The following TMC3 variants were observed in gnomAD, a reference collection of about 807,000 sequenced individuals.
The protein encoded by TMC3 is transmembrane channel like 3.
A neutral mutation model predicts 110.6 loss-of-function variants in TMC3; 98 were observed. That is an observed-to-expected ratio of 0.89 (90% CI 0.75 to 1.05). TMC3 has a LOEUF of 1.05. Among genes scored for constraint, TMC3 ranks in the 50% least tolerant of loss-of-function variants. The pLI, the probability that TMC3 is intolerant of heterozygous loss-of-function variation, is 0.00. For synonymous variants in TMC3, 489 were observed against 513.1 expected, an observed-to-expected ratio of 0.95 and a Z score of 0.63; for missense variants, 1,319 against 1,373.2, an observed-to-expected ratio of 0.96 and a Z score of 0.62.
At chr15:81,355,336 T>G (rs185363237) in intron 9 of TMC3, among the ~76,000 whole-genome samples, 7 of 152,308 alleles carry the variant, frequency 4.6e-5, no homozygotes, top group Admixed American at 2.6e-4. Context: ...AGAAGAATCT[T>G]GAACCTAGGA....
intron 3 of TMC3, among the ~76,000 whole-genome samples, chr15:81,364,423 G>T (rs998021756): frequency 4.0e-5 from 6 of 151,470 alleles, no homozygotes; most frequent in Admixed American, 2.6e-4. Flanking sequence ...CTTGAAACAG[G>T]AATAATTCAA....
chr15:81,344,735 G>C (rs748119384), intron 13 of TMC3, 31 bp downstream of exon 13: 3 of 1,607,790 alleles, frequency 1.9e-6, no homozygotes, highest in Non-Finnish European at 2.6e-6. Context: ...AGATGGATAT[G>C]ACAGAGCTTT....
In TMC3 at chr15:81,333,103, C is replaced by T; in HGVS notation, c.2619G>A (p.Ser873=). The T allele has an allele frequency of 1.9e-6, 3 of 1,613,970 alleles. No individual in the cohort carries two copies. The highest frequency in any genetic ancestry group is 2.5e-6 in the Non-Finnish European group (3 of 1,179,888). The change falls in exon 22 of 22, where the codon TCG becomes TCA. Residue 873 remains serine (S), a synonymous_variant. Transcript: ENST00000359440. ...GCCTGGGACCCTGTGCCAGCAAAGTCGAGGCCTGTGGTCCACGGTGAGGAG... is the reference window on the plus strand; with the variant it reads ...GCCTGGGACCCTGTGCCAGCAAAGTTGAGGCCTGTGGTCCACGGTGAGGAG... ...INPPHRGPQA[S]TLLAQGPRPH...
At position 81,332,749 on chromosome 15, in the gene TMC3, C is replaced by T. The variant is rs751015265; in HGVS notation, c.2973G>A (p.Val991=). The T allele has an allele frequency of 1.9e-6, 3 of 1,613,282 alleles. No individual in the cohort carries two copies. Among genetic ancestry groups the T allele is most frequent in the Non-Finnish European group, 1.7e-6 (2 of 1,179,654 alleles). ...QTRDPEHQGR[V]HYKSWNEDFE... ...AATCTTCATTCCACGACTTGTAGTG[C>T]ACCCTCCCCTGGTGCTCGGGATCCC... The change falls in exon 22 of 22, where the codon GTG becomes GTA. Residue 991 remains valine (V), a synonymous_variant. Coordinates refer to ENST00000359440, the MANE Select transcript of TMC3 (RefSeq NM_001080532.3).
At chr15:81,356,716 C>G (rs971196076) in intron 7 of TMC3, 122 bp from the exon 8 acceptor site, 3 of 1,079,616 alleles carry the variant, frequency 2.8e-6, no homozygotes, top group African/African-American at 3.2e-5. Context: ...CGCAGCTCCT[C>G]GGGTCACAGC....
chr15:81,362,691 A>G (rs1033723133), intron 3 of TMC3, among the ~76,000 whole-genome samples: 7 of 152,184 alleles, frequency 4.6e-5, no homozygotes, highest in Admixed American at 2.6e-4. Context: ...TGGCAATTAC[A>G]TCTTAAAACC....
chr15:81,359,495 A>G (rs1324381011), intron 4 of TMC3, 24 bp from the exon 5 acceptor site: 1 of 1,476,106 alleles, frequency 6.8e-7, no homozygotes, highest in Admixed American at 2.4e-5. Flanking sequence ...AGATAATGAG[A>G]ACAGTTTAAA....
chr15:81,336,007 A>G (rs1038258214), intron 20 of TMC3: 3 of 152,162 alleles, frequency 2.0e-5, no homozygotes, highest in Non-Finnish European at 4.4e-5. Flanking sequence ...GCTTTCATCC[A>G]CGTGAATGTG....
intron 4 of TMC3, among the ~76,000 whole-genome samples, chr15:81,360,524 T>C (rs1234057185): frequency 6.6e-6 from 1 of 152,146 alleles, no homozygotes; most frequent in East Asian, 1.9e-4. Flanking sequence ...TAAGGTAAGG[T>C]TTCCTAGAAG....
intron 1 of TMC3, 133 bp from the exon 2 acceptor site, chr15:81,372,870 CGT>C (rs58420711): frequency 0.11 from 58,091 of 551,110 alleles, 2,036 homozygotes; most frequent in African/African-American, 0.27. Context: ...TGTGTTTGTG[CGT>C]GTGTGTGTGT....
At chr15:81,364,352 G>T (rs888064485) in intron 3 of TMC3, among the ~76,000 whole-genome samples, 1 of 152,074 alleles carries the variant, frequency 6.6e-6, no homozygotes, top group African/African-American at 2.4e-5. Context: ...GTTCAGTAAG[G>T]CATGGGGGAA....
At chr15:81,352,708 G>A (rs113603949) in intron 9 of TMC3, among the ~76,000 whole-genome samples, 24 of 152,290 alleles carry the variant, frequency 1.6e-4, no homozygotes, top group African/African-American at 5.3e-4. Context: ...TTATGGCCCC[G>A]AAGACCTTCC....
chr15:81,363,347 C>T (rs1427951887), intron 3 of TMC3, among the ~76,000 whole-genome samples: 1 of 152,154 alleles, frequency 6.6e-6, no homozygotes, highest in Non-Finnish European at 1.5e-5. Flanking sequence ...TATGCCCTGA[C>T]ACTAGTTCTG....
chr15:81,367,911 G>C (rs1894349966), intron 3 of TMC3, among the ~76,000 whole-genome samples: 1 of 152,040 alleles, frequency 6.6e-6, no homozygotes, highest in Admixed American at 6.6e-5. Context: ...GCTCACATGT[G>C]TGTGTGTTTT....
chr15:81,372,626 TCTG>T lies in TMC3; in HGVS notation c.198_200del (p.Cys66_Arg67delinsTer), dbSNP rs767329756. 1 of 1,613,754 alleles carries T rather than the reference TCTG, an allele frequency of 6.2e-7. No individual in the cohort carries two copies. Among genetic ancestry groups the T allele is most frequent in the Non-Finnish European group, 8.5e-7 (1 of 1,179,888 alleles). ...TCAGCTTCTGTCCCATAGTCCAGGG[TCTG>T]CAGCGAATGTTTGCCATGAGATCTT... On this transcript the variant is annotated stop_gained and inframe_deletion, in exon 2 of 22. Transcript: ENST00000359440. LOFTEE classifies it high-confidence loss of function.
chr15:81,364,013 T>C (rs1259639524), intron 3 of TMC3, among the ~76,000 whole-genome samples: 6 of 152,206 alleles, frequency 3.9e-5, no homozygotes. Context: ...GGGAAGTTAT[T>C]TTATTTCCTT....
At chr15:81,345,033 G>C (rs777620067) in intron 12 of TMC3, 22 bp from the exon 13 acceptor site, 1 of 1,554,308 alleles carries the variant, frequency 6.4e-7, no homozygotes, top group Non-Finnish European at 8.7e-7. Context: ...GAGAGAGAGA[G>C]AGAGGGAAGC....
Position 81,343,106 on chromosome 15 carries a change from T to C in TMC3, c.1715+172A>G, listed in dbSNP as rs74028624. ...TCTTTTTAATTTCTTCCTGCAAAATTCTTAGGAAACCATTAATAAAAGTAA... is the reference window on the plus strand; with the variant it reads ...TCTTTTTAATTTCTTCCTGCAAAATCCTTAGGAAACCATTAATAAAAGTAA... On this transcript the variant is annotated intron_variant, in intron 15 of 21. Transcript: ENST00000359440. 1.1e-3 allele frequency: 520 copies of C among 487,494 alleles called. 3 individuals are homozygous for C. Among genetic ancestry groups the C allele is most frequent in the African/African-American group, 9.2e-3 (473 of 51,462 alleles). The allele number at this position is 487,494 out of a possible 1,614,324, so 30.2% of individuals were successfully genotyped here.
chr15:81,361,281 TGAA>T (rs1322057386), intron 4 of TMC3, among the ~76,000 whole-genome samples: 3 of 152,196 alleles, frequency 2.0e-5, no homozygotes, highest in Non-Finnish European at 4.4e-5. Context: ...CAATTTTAAG[TGAA>T]GGAGTTAAAC....
Sources: allele counts gnomAD v4.1 joint callset (sites outside exome capture counted in the v4.1 genomes callset), GRCh38; gene constraint gnomAD v4.1.1; transcripts MANE v1.5; gene names NCBI Gene and HGNC (gene_info 2026-07-23, HGNC 2026-07-21).